KDR: variants seen among roughly 807,000 people sequenced by gnomAD.
The protein encoded by KDR is vascular endothelial growth factor receptor 2.
Under a neutral mutation model 160.9 loss-of-function variants are expected in KDR, and 43 were observed. The ratio of observed to expected loss-of-function variants is 0.27; its 90% confidence interval spans 0.21 to 0.34. KDR has a LOEUF of 0.34. Among genes scored for constraint, KDR ranks in the 10% least tolerant of loss-of-function variants. The pLI is 1.00. For missense variants in KDR, 1,469 were observed against 1,666.4 expected (o/e 0.88, Z 2.06); for synonymous variants, 617 against 600.1 (o/e 1.03, Z -0.41).
chr4:55,125,233 A>G lies in KDR; in HGVS notation c.61T>C (p.Ser21Pro), dbSNP rs1427360662. ...LWLCVETRAA[S>P]VGLPSVSLDL... Reference sequence around the variant, plus strand: ...TCCAGAGTGGGCTCCTTACCCACAGAGGCGGCCCGGGTCTCCACGCAGAGC... The same window carrying G: ...TCCAGAGTGGGCTCCTTACCCACAGGGGCGGCCCGGGTCTCCACGCAGAGC... The change falls in exon 1 of 30, where the codon TCT becomes CCT. Residue 21 changes from serine to proline, a missense_variant. Coordinates refer to ENST00000263923, the MANE Select transcript of KDR (RefSeq NM_002253.4). 6.2e-7 allele frequency: 1 copy of G among 1,612,546 alleles called. No homozygotes were observed. The highest frequency in any genetic ancestry group is 8.5e-7 in the Non-Finnish European group (1 of 1,179,588).
chr4:55,118,519 T>G, intron 3 of KDR, 85 bp downstream of exon 3: 1 of 1,047,440 alleles, frequency 9.5e-7, no homozygotes. Context: ...AGCAAGCCCT[T>G]TGTTGTACTC....
Position 55,089,984 on chromosome 4 carries a change from T to C in KDR, c.3164A>G (p.Lys1055Arg), listed in dbSNP as rs2110011546. 1 of 1,614,192 alleles carries C rather than the reference T, an allele frequency of 6.2e-7. No individual in the cohort carries two copies. Among genetic ancestry groups the C allele is most frequent in the Non-Finnish European group, 8.5e-7 (1 of 1,180,008 alleles). The change falls in exon 23 of 30, where the codon AAA (lysine) becomes AGA (arginine). Residue 1055 changes from lysine to arginine, a missense_variant. Around this residue, in one of 7 missense-constraint regions of KDR, gnomAD observed 132 missense variants for 195.9 expected, o/e 0.67. Coordinates refer to ENST00000263923, the MANE Select transcript of KDR (RefSeq NM_002253.4). ...CDFGLARDIY[K>R]DPDYVRKGDA... ...TCCTTTTCTGACATAATCTGGATCT[T>C]TATAAATATCCCGGGCCAAGCCAAA...
Position 55,092,712 on chromosome 4 carries a change from G to A in KDR, c.2974C>T (p.Pro992Ser), listed in dbSNP as rs1483707001. ...AGGAAGTCCTTATACAGATCTTCAG[G>A]AGCTGTCCAAAGAGGCAGGAGGATG... is the stretch of plus-strand genomic sequence containing the variant. ...SLSDVEEEEA[P>S]EDLYKDFLTL... The change falls in exon 22 of 30, where the codon CCT (proline) becomes TCT (serine). Residue 992 changes from proline to serine, a missense_variant and splice_region_variant. Coordinates refer to ENST00000263923, the MANE Select transcript of KDR (RefSeq NM_002253.4). 1.2e-6 allele frequency: 2 copies of A among 1,610,218 alleles called. No individual in the cohort carries two copies. The highest frequency in any genetic ancestry group is 1.7e-6 in the Non-Finnish European group (2 of 1,176,480).
At chr4:55,093,326 C>T (rs1418548842) in intron 21 of KDR, among the ~76,000 whole-genome samples, 1 of 152,174 alleles carries the variant, frequency 6.6e-6, no homozygotes, top group Non-Finnish European at 1.5e-5. Flanking sequence ...GTGGTATTTA[C>T]TTCAGTGCAA....
intron 15 of KDR, 33 bp from the exon 16 acceptor site, chr4:55,098,836 T>C: frequency 6.8e-7 from 1 of 1,477,322 alleles, no homozygotes; most frequent in Non-Finnish European, 9.5e-7. Flanking sequence ...GTATCAACAG[T>C]TGGAAACTTA....
chr4:55,091,345 A>G (rs753869392), intron 22 of KDR, among the ~76,000 whole-genome samples: 1 of 152,170 alleles, frequency 6.6e-6, no homozygotes, highest in Non-Finnish European at 1.5e-5. Flanking sequence ...CCAAACAAAA[A>G]GTTTCCTTTT....
intron 3 of KDR, among the ~76,000 whole-genome samples, chr4:55,118,366 C>G (rs893687880): frequency 6.6e-6 from 1 of 152,134 alleles, no homozygotes; most frequent in Admixed American, 6.5e-5. Flanking sequence ...ACAGATTTAC[C>G]TTGGAAACAA....
chr4:55,112,276 A>C (rs1221496975), intron 7 of KDR, among the ~76,000 whole-genome samples: 1 of 152,040 alleles, frequency 6.6e-6, no homozygotes, highest in African/African-American at 2.4e-5. Context: ...CAGCCTACTC[A>C]ACGTGAAGAC....
intron 1 of KDR, among the ~76,000 whole-genome samples, chr4:55,124,316 T>A (rs778418023): frequency 6.6e-6 from 1 of 152,030 alleles, no homozygotes; most frequent in Non-Finnish European, 1.5e-5. Context: ...AAATATTATC[T>A]AAGGGGTTGA....
chr4:55,108,198 C>CAAA (rs10693062), intron 9 of KDR, among the ~76,000 whole-genome samples: 3,035 of 115,130 alleles, frequency 0.026, 179 homozygotes, highest in Admixed American at 0.14. Context: ...CCATCTCTAC[C>CAAA]AAAAAAAAAA....
intron 21 of KDR, among the ~76,000 whole-genome samples, chr4:55,093,490 C>G (rs1041336319): frequency 2.0e-5 from 3 of 152,108 alleles, no homozygotes; most frequent in African/African-American, 7.2e-5. Context: ...AGGCTGTGAG[C>G]CTTTTTCTCA....
At position 55,087,633 on chromosome 4, in the gene KDR, G is replaced by C; in HGVS notation, c.3636C>G (p.Phe1212Leu). 1 of 1,614,138 alleles carries C rather than the reference G, an allele frequency of 6.2e-7. No homozygotes were observed. Among genetic ancestry groups the C allele is most frequent in the South Asian group, 1.1e-5 (1 of 91,082 alleles). The change falls in exon 27 of 30, where the codon TTC becomes TTG. Residue 1212 changes from phenylalanine to leucine, a missense_variant. Phe to Leu is a conservative substitution (Grantham distance 22, BLOSUM62 0). Coordinates refer to ENST00000263923, the MANE Select transcript of KDR (RefSeq NM_002253.4). ...MEEEEVCDPKFHYDNTAGISQ... is the reference protein window; with the variant it reads ...MEEEEVCDPKLHYDNTAGISQ... Reference sequence around the variant, plus strand: ...TGATTCCTGCTGTGTTGTCATAATGGAATTTGGGGTCACATACTTCCTCCT... The same window carrying C: ...TGATTCCTGCTGTGTTGTCATAATGCAATTTGGGGTCACATACTTCCTCCT...
intron 22 of KDR, among the ~76,000 whole-genome samples, chr4:55,091,441 T>A (rs1720015943): frequency 6.6e-6 from 1 of 152,138 alleles, no homozygotes; most frequent in Non-Finnish European, 1.5e-5. Context: ...TCCATTCTCT[T>A]CCTAGTCCCC....
At chr4:55,100,393 A>G (rs775028381) in intron 15 of KDR, among the ~76,000 whole-genome samples, 3 of 152,284 alleles carry the variant, frequency 2.0e-5, no homozygotes, top group African/African-American at 4.8e-5. Flanking sequence ...ATGTGTTTGT[A>G]TATTAATATT....
intron 2 of KDR, among the ~76,000 whole-genome samples, chr4:55,120,039 G>A (rs538251420): frequency 9.9e-5 from 15 of 152,226 alleles, no homozygotes; most frequent in African/African-American, 3.4e-4. Context: ...CCTTGTTATC[G>A]AGGGTCGGTA....
chr4:55,108,611 C>T (rs1190354714), intron 9 of KDR, among the ~76,000 whole-genome samples: 1 of 152,136 alleles, frequency 6.6e-6, no homozygotes, highest in Non-Finnish European at 1.5e-5. Context: ...AACACGTAAA[C>T]CACCTCATGT....
rs772404582 is a variant in KDR, at chr4:55,114,975, G to A, written c.557C>T (p.Thr186Ile). The change falls in exon 5 of 30, where the codon ACT (threonine) becomes ATT (isoleucine). Residue 186 changes from threonine to isoleucine, a missense_variant. Coordinates refer to ENST00000263923, the MANE Select transcript of KDR (RefSeq NM_002253.4). ...ATAGCTGATCATGTAGCTGGGAATAGTAAAGCCCTTCTTGCTGTCCCAGGA... is the reference window on the plus strand; with the variant it reads ...ATAGCTGATCATGTAGCTGGGAATAATAAAGCCCTTCTTGCTGTCCCAGGA... ...RISWDSKKGF[T>I]IPSYMISYAG... 5 of 1,613,684 alleles carry A rather than the reference G, an allele frequency of 3.1e-6. No homozygotes were observed. Among genetic ancestry groups the A allele is most frequent in the Non-Finnish European group, 4.2e-6 (5 of 1,179,660 alleles).
chr4:55,120,411 T>G (rs1720841309), intron 2 of KDR, among the ~76,000 whole-genome samples: 1 of 152,134 alleles, frequency 6.6e-6, no homozygotes, highest in Non-Finnish European at 1.5e-5. Flanking sequence ...GGGTAAGGGT[T>G]GAAAGGCAAA....
At chr4:55,090,141 G>A (rs2110012000) in intron 22 of KDR, 63 bp from the exon 23 acceptor site, 1 of 1,598,200 alleles carries the variant, frequency 6.3e-7, no homozygotes, top group South Asian at 1.1e-5. Context: ...CATCTGTTGT[G>A]ACCTCATGCA....
Sources: gnomAD v4.1 joint callset for allele counts (sites outside exome capture counted in the v4.1 genomes callset) on GRCh38, gnomAD v4.1.1 for gene constraint, gnomAD v4.1.1 regional missense constraint, MANE v1.5 for transcripts, NCBI Gene and HGNC (gene_info 2026-07-23, HGNC 2026-07-21) for gene names.